The following CHST9 variants were observed in gnomAD, a reference collection of about 807,000 sequenced individuals.
CHST9 encodes GalNAc-4-sulfotransferase 2.
A neutral mutation model predicts 44.4 loss-of-function variants in CHST9; 41 were observed. The ratio of observed to expected loss-of-function variants is 0.92; its 90% CI spans 0.72 to 1.20. The LOEUF (loss-of-function observed/expected upper bound fraction) is 1.20, where lower values mean the gene tolerates loss of function less well. CHST9 is among the 50% of genes most tolerant of loss of function. CHST9 has a pLI of 0.00. For missense variants in CHST9, 504 were observed against 516.5 expected (o/e 0.98, Z 0.23); for synonymous variants, 171 against 178.4 (o/e 0.96, Z 0.33).
At chr18:27,021,996 T>A (rs919333156) in intron 4 of CHST9, among the ~76,000 whole-genome samples, 2 of 152,226 alleles carry the variant, frequency 1.3e-5, no homozygotes, top group African/African-American at 4.8e-5. Flanking sequence ...GTCCCTGTTT[T>A]ATAAACAAGA....
At chr18:27,082,103 A>C (rs1160789566) in intron 2 of CHST9, among the ~76,000 whole-genome samples, 1 of 152,234 alleles carries the variant, frequency 6.6e-6, no homozygotes, top group African/African-American at 2.4e-5. Context: ...AAGTGTACCT[A>C]AGAAACATAT....
chr18:27,010,690 C>T (rs1333647767), intron 4 of CHST9, among the ~76,000 whole-genome samples: 2 of 152,102 alleles, frequency 1.3e-5, no homozygotes, highest in East Asian at 1.9e-4. Flanking sequence ...CATCTCTCAT[C>T]GTACTCAAGA....
rs542365376 is a variant in CHST9, at chr18:26,979,688, C to T, written c.203-35322G>A. On this transcript the variant is annotated intron_variant, in intron 4 of 5. Coordinates refer to ENST00000618847, the MANE Select transcript of CHST9 (RefSeq NM_031422.6). ...GAGCTCCTTCAAGTAGGAGCCACGT[C>T]TATTTGTCTTTTTGTACACAGAGAT... is the stretch of plus-strand genomic sequence containing the variant. Among the ~76,000 whole-genome samples, 32 of 152,270 alleles carry T rather than the reference C, an allele frequency of 2.1e-4. 3 individuals are homozygous for T. In the East Asian group the frequency reaches 2.9e-3, roughly 14 times the overall value.
chr18:26,968,795 A>T (rs2056499295), intron 4 of CHST9, among the ~76,000 whole-genome samples: 1 of 152,068 alleles, frequency 6.6e-6, no homozygotes, highest in Non-Finnish European at 1.5e-5. Flanking sequence ...GACACATTTG[A>T]AATTTATTTT....
chr18:26,953,799 T>C (rs2056284121), intron 4 of CHST9, among the ~76,000 whole-genome samples: 1 of 152,142 alleles, frequency 6.6e-6, no homozygotes, highest in Admixed American at 6.5e-5. Flanking sequence ...CCTGCTCCTT[T>C]CTCCCAAAGA....
chr18:27,120,752 T>C (rs1341953560), intron 2 of CHST9, among the ~76,000 whole-genome samples: 1 of 152,200 alleles, frequency 6.6e-6, no homozygotes, highest in Non-Finnish European at 1.5e-5. Flanking sequence ...GTTGTCAGTA[T>C]AAAAAGATGT....
intron 5 of CHST9, among the ~76,000 whole-genome samples, chr18:26,941,650 G>A (rs1376637694): frequency 6.6e-6 from 1 of 151,878 alleles, no homozygotes; most frequent in Non-Finnish European, 1.5e-5. Flanking sequence ...AAAAAAAATG[G>A]GTCATGCATT....
intron 4 of CHST9, among the ~76,000 whole-genome samples, chr18:26,966,959 G>GT (rs929532059): frequency 6.6e-6 from 1 of 151,606 alleles, no homozygotes; most frequent in Non-Finnish European, 1.5e-5. Context: ...GTTCCAGTTG[G>GT]TAGATATCTC....
chr18:27,053,259 AAGG>A (rs368535902), intron 2 of CHST9, among the ~76,000 whole-genome samples: 2,572 of 69,432 alleles, frequency 0.037, 74 homozygotes, highest in African/African-American at 0.049. Context: ...GAAGAAGAAG[AAGG>A]AGAAGGAGAA....
At chr18:27,137,340 GTGTGTGTGTGTGTGTA>G (rs1366125946) in intron 2 of CHST9, among the ~76,000 whole-genome samples, 3 of 140,464 alleles carry the variant, frequency 2.1e-5, no homozygotes, top group Non-Finnish European at 3.1e-5. Context: ...GTGTGTGTGT[GTGTGTGTGTGTGTGTA>G]TAGAGAGAGA....
chr18:26,985,713 A>C (rs1342879052), intron 4 of CHST9, among the ~76,000 whole-genome samples: 1 of 152,214 alleles, frequency 6.6e-6, no homozygotes, highest in Non-Finnish European at 1.5e-5. Context: ...TGCATATGTC[A>C]TAATGACCCA....
chr18:26,944,691 A>G lies in CHST9; in HGVS notation c.203-325T>C, dbSNP rs934790807. ...AGAAAAATTTGAACAACAGCCAGTCAAAACAAAGTTTTCCAAACAATGACA... is the reference window on the plus strand; with the variant it reads ...AGAAAAATTTGAACAACAGCCAGTCGAAACAAAGTTTTCCAAACAATGACA... On this transcript the variant is annotated intron_variant, in intron 4 of 5. Transcript: ENST00000618847. 3.9e-5 allele frequency among the ~76,000 whole-genome samples: 6 copies of G among 152,370 alleles called. 1 individual carries two copies. The South Asian group carries it at 1.2e-3, about 32-fold the overall frequency.
chr18:27,005,657 T>C (rs777779585), intron 4 of CHST9, among the ~76,000 whole-genome samples: 2 of 152,166 alleles, frequency 1.3e-5, no homozygotes, highest in Non-Finnish European at 2.9e-5. Context: ...ATTTTCCTCA[T>C]TTTATTGATG....
chr18:26,972,626 G>C (rs1337814515), intron 4 of CHST9, among the ~76,000 whole-genome samples: 2 of 152,138 alleles, frequency 1.3e-5, no homozygotes, highest in Non-Finnish European at 2.9e-5. Context: ...ATGGTACAAG[G>C]AGCCGTGTCA....
intron 4 of CHST9, among the ~76,000 whole-genome samples, chr18:26,987,430 T>C (rs1016612544): frequency 9.2e-5 from 14 of 152,152 alleles, no homozygotes; most frequent in African/African-American, 3.4e-4. Context: ...TATTCTGTTA[T>C]GGCAACACAA....
chr18:27,004,087 G>C (rs1170173422), intron 4 of CHST9, among the ~76,000 whole-genome samples: 2 of 151,398 alleles, frequency 1.3e-5, no homozygotes, highest in Non-Finnish European at 2.9e-5. Flanking sequence ...ACCAAAACCA[G>C]AACTCAGTCT....
intron 3 of CHST9, among the ~76,000 whole-genome samples, chr18:27,037,035 A>G (rs1322852184): frequency 1.3e-5 from 2 of 152,206 alleles, no homozygotes; most frequent in Non-Finnish European, 2.9e-5. Flanking sequence ...CTTATTGGGC[A>G]CATTTGTTTT....
At chr18:27,184,269 G>A (rs925369853) in intron 1 of CHST9, among the ~76,000 whole-genome samples, 4 of 152,106 alleles carry the variant, frequency 2.6e-5, no homozygotes, top group Non-Finnish European at 5.9e-5. Context: ...AGGGAGCTGG[G>A]GGTGGACCGC....
At chr18:27,135,724 G>A (rs930147566) in intron 2 of CHST9, among the ~76,000 whole-genome samples, 4 of 152,220 alleles carry the variant, frequency 2.6e-5, no homozygotes, top group African/African-American at 9.6e-5. Flanking sequence ...CAACATGTCA[G>A]GGTGTGGACC....
Sources: allele counts gnomAD v4.1 joint callset (sites outside exome capture counted in the v4.1 genomes callset), GRCh38; gene constraint gnomAD v4.1.1; transcripts MANE v1.5; gene names NCBI Gene and HGNC (gene_info 2026-07-23, HGNC 2026-07-21).